AMOTL2: variants seen among roughly 807,000 people sequenced by gnomAD.
AMOTL2 encodes angiomotin-like protein 2.
Under a neutral mutation model 78.4 loss-of-function variants are expected in AMOTL2, and 33 were observed. That is an observed-to-expected ratio of 0.42 (90% CI 0.32 to 0.56). AMOTL2 has a LOEUF of 0.56. Ranked by LOEUF, AMOTL2 falls within the 20% of genes least tolerant of loss-of-function variation. The probability of loss-of-function intolerance (pLI) is 0.12; values close to 1 mark genes in which losing one functional copy is unlikely to be tolerated. For synonymous variants in AMOTL2, 422 were observed against 428.8 expected (o/e 0.98, Z 0.20); for missense variants, 983 against 1,030.1 (o/e 0.95, Z 0.63).
At chr3:134,372,176 C>T (rs1220001883) in intron 1 of AMOTL2, among the ~76,000 whole-genome samples, 1 of 152,146 alleles carries the variant, frequency 6.6e-6, no homozygotes, top group Non-Finnish European at 1.5e-5. Flanking sequence ...CTCTAGCCCG[C>T]TGAACCCCTG....
In AMOTL2 at chr3:134,361,727, G is replaced by T; in HGVS notation, c.1360C>A (p.Arg454Ser). ...AGAGCCTGCTCCAGCAGCTCGGCAC[G>T]CCGCCGCTGGTCCTCGATGGCGCCG... ...LRGAIEDQRRRAELLEQALGN... is the reference protein window; with the variant it reads ...LRGAIEDQRRSAELLEQALGN... The change falls in exon 6 of 10, where the codon CGT becomes AGT. Residue 454 changes from arginine to serine, a missense_variant. Arg to Ser is a moderately radical substitution (Grantham distance 110). Transcript: ENST00000249883. The T allele has an allele frequency of 6.2e-7, 1 of 1,607,160 alleles. No homozygotes were observed. The highest frequency in any genetic ancestry group is 8.5e-7 in the Non-Finnish European group (1 of 1,177,260).
chr3:134,375,057 G>T, upstream of AMOTL2: 5 of 1,459,846 alleles, frequency 3.4e-6, no homozygotes, highest in South Asian at 1.4e-5. Flanking sequence ...CCTAACCCCC[G>T]CTGTTTTCAC....
At position 134,370,710 on chromosome 3, in the gene AMOTL2, C is replaced by A; in HGVS notation, c.724G>T (p.Ala242Ser). ...GGTGGGGAGAGTTACCTGACTTCAGCATGCTGGAAGTGCGGGCTGCCGCGG... is the reference window on the plus strand; with the variant it reads ...GGTGGGGAGAGTTACCTGACTTCAGAATGCTGGAAGTGCGGGCTGCCGCGG... ...RARGSPHFQH[A>S]EVRILQAQVP... Residue 242 changes from alanine (A) to serine (S), a missense_variant, in exon 2 of 10, where the codon GCT becomes TCT. Physicochemically the swap from Ala to Ser is moderately conservative, Grantham distance 99. Transcript: ENST00000249883. 2 of 1,509,858 alleles carry A rather than the reference C, an allele frequency of 1.3e-6. No individual in the cohort carries two copies. The highest frequency in any genetic ancestry group is 1.8e-6 in the Non-Finnish European group (2 of 1,129,292). 93.5% of individuals were successfully genotyped at this position (1,509,858 alleles called of 1,614,324 possible).
rs1428399964 is a variant in AMOTL2 at position 134,367,664 on chromosome 3, C to G, written c.874G>C (p.Ala292Pro). Residue 292 changes from alanine to proline, a missense_variant, in exon 3 of 10, where the codon GCT (alanine) becomes CCT (proline). Transcript: ENST00000249883. Reference sequence around the variant, plus strand: ...TGGGCACTCACTGGCCCCTCCACAGCAGGTGGACTGAGGGAGCTCAGGGGG... The same window carrying G: ...TGGGCACTCACTGGCCCCTCCACAGGAGGTGGACTGAGGGAGCTCAGGGGG... ...HGPLSSLSPP[A>P]VEGPVSAQAS... 6.2e-7 allele frequency: 1 copy of G among 1,613,472 alleles called. No individual in the cohort carries two copies. The highest frequency in any genetic ancestry group is 8.5e-7 in the Non-Finnish European group (1 of 1,180,028).
chr3:134,366,435 A>G lies in AMOTL2; in HGVS notation c.1042-8T>C. The G allele has an allele frequency of 6.2e-7, 1 of 1,611,436 alleles. No individual in the cohort carries two copies. The highest frequency in any genetic ancestry group is 8.5e-7 in the Non-Finnish European group (1 of 1,179,550). On this transcript the variant is annotated splice_polypyrimidine_tract_variant and splice_region_variant and intron_variant, in intron 3 of 9. Transcript: ENST00000249883. ...CTGGATTTCGCTTTCCAGCTGCAAG[A>G]GTCAGACAGCAGAGCTGAATGAAGG...
At chr3:134,373,055 T>C (rs1441826767) in intron 1 of AMOTL2, among the ~76,000 whole-genome samples, 1 of 151,986 alleles carries the variant, frequency 6.6e-6, no homozygotes, top group Non-Finnish European at 1.5e-5. Context: ...ATCTTTTCCC[T>C]CTCCCCACCC....
Position 134,370,702 on chromosome 3 carries a change from G to T in AMOTL2, c.732C>A (p.Val244=). 2.0e-6 allele frequency: 3 copies of T among 1,508,884 alleles called. No homozygotes were observed. The South Asian group carries it at 4.1e-5, about 21-fold the overall frequency. The allele number at this position is 1,508,884 out of a possible 1,614,324, so 93.5% of individuals were successfully genotyped here. The change falls in exon 2 of 10, where the codon GTC becomes GTA. Residue 244 remains valine (V), a splice_region_variant and synonymous_variant. Coordinates refer to ENST00000249883, the MANE Select transcript of AMOTL2 (RefSeq NM_016201.4). The part of the protein sequence containing the change: ...RGSPHFQHAE[V]RILQAQVPPV... ...AAGCCCAAGGTGGGGAGAGTTACCT[G>T]ACTTCAGCATGCTGGAAGTGCGGGC...
chr3:134,360,015 G>A, intron 7 of AMOTL2, 91 bp downstream of exon 7: 1 of 1,368,588 alleles, frequency 7.3e-7, no homozygotes, highest in Non-Finnish European at 9.9e-7. Context: ...ATGGGGAAAG[G>A]GGCCTGTTTA....
chr3:134,367,623 G>A lies in AMOTL2; in HGVS notation c.915C>T (p.Thr305=). 6.2e-7 allele frequency: 1 copy of A among 1,613,458 alleles called. No homozygotes were observed. Among genetic ancestry groups the A allele is most frequent in the Non-Finnish European group, 8.5e-7 (1 of 1,180,034 alleles). ...GPVSAQASSA[T]SGSAHLAQME... ...TCTGGGCCAGGTGGGCACTGCCCGA[G>A]GTGGCTGAGGAGGCCTGGGCACTCA... The change falls in exon 3 of 10, where the codon ACC becomes ACT. Residue 305 remains threonine (T), a synonymous_variant. Coordinates refer to ENST00000249883, the MANE Select transcript of AMOTL2 (RefSeq NM_016201.4).
upstream of AMOTL2, chr3:134,375,384 C>T: frequency 3.8e-6 from 3 of 793,334 alleles, no homozygotes; most frequent in Non-Finnish European, 6.3e-6. Context: ...GCTCAGAGAG[C>T]TTAAGCAGCG....
At chr3:134,363,090 A>G (rs1387684596) in intron 5 of AMOTL2, among the ~76,000 whole-genome samples, 2 of 152,232 alleles carry the variant, frequency 1.3e-5, no homozygotes, top group Admixed American at 6.5e-5. Context: ...TCTTTGGGCC[A>G]CATGCAGCTA....
In AMOTL2 at chr3:134,371,074, C is replaced by T. The variant is rs1323020095; in HGVS notation, c.360G>A (p.Gln120=). 6.2e-7 allele frequency: 1 copy of T among 1,611,292 alleles called. No individual in the cohort carries two copies. Among genetic ancestry groups the T allele is most frequent in the Non-Finnish European group, 8.5e-7 (1 of 1,178,838 alleles). The change falls in exon 2 of 10, where the codon CAG becomes CAA. Residue 120 remains glutamine, a synonymous_variant. Transcript: ENST00000249883. ...CCGCATGTGGCCGGGTCCCTGCCTG[C>T]TGGGCCGCATAGTACTGCGAGTGGG... The part of the protein sequence containing the change: ...AKAHSQYYAA[Q]QAGTRPHAGD...
intron 5 of AMOTL2, among the ~76,000 whole-genome samples, chr3:134,362,330 GCC>G (rs2017408960): frequency 6.6e-6 from 1 of 152,204 alleles, no homozygotes; most frequent in African/African-American, 2.4e-5. Flanking sequence ...GAATCCTCCA[GCC>G]CCTCCAGGGA....
rs201755719 is a variant in AMOTL2 at position 134,360,169 on chromosome 3, G to A, written c.1820C>T (p.Pro607Leu). 1.7e-5 allele frequency: 27 copies of A among 1,614,034 alleles called. No individual in the cohort carries two copies. In the East Asian group the frequency reaches 5.8e-4, roughly 35 times the overall value. ...CAGACCCTCATTGAAGCTGCTGCTG[G>A]GTGAGGGCTGGGGGGAATGTCGGAT... The part of the protein sequence containing the change: ...TLIRHSPQPS[P>L]SSSFNEGLLT... The change falls in exon 7 of 10, where the codon CCC becomes CTC. Residue 607 changes from proline (P) to leucine (L), a missense_variant. Coordinates refer to ENST00000249883, the MANE Select transcript of AMOTL2 (RefSeq NM_016201.4).
At chr3:134,367,446 C>T in intron 3 of AMOTL2, 51 bp downstream of exon 3, 2 of 1,588,420 alleles carry the variant, frequency 1.3e-6, no homozygotes, top group South Asian at 1.1e-5. Context: ...CCCAGGTAGC[C>T]CCTCGGGGTC....
Position 134,371,635 on chromosome 3 carries a change from C to T in AMOTL2, c.-61-141G>A, listed in dbSNP as rs540194351. The T allele has an allele frequency of 3.6e-6, 5 of 1,377,398 alleles. No homozygotes were observed. The African/African-American group carries it at 5.8e-5, about 16-fold the overall frequency. The allele number at this position is 1,377,398 out of a possible 1,614,324, so 85.3% of individuals were successfully genotyped here. A position where few individuals can be genotyped will look rare whatever the true frequency, so the allele number is the denominator to read the frequency against. Reference sequence around the variant, plus strand: ...CAGGGGTGGGGCGGTTCACACAAGCCTGGGTTCAAGTACCAGTGCTGCCAT... The same window carrying T: ...CAGGGGTGGGGCGGTTCACACAAGCTTGGGTTCAAGTACCAGTGCTGCCAT... On this transcript the variant is annotated intron_variant, in intron 1 of 9. Coordinates refer to ENST00000249883, the MANE Select transcript of AMOTL2 (RefSeq NM_016201.4).
At chr3:134,365,760 T>A in intron 5 of AMOTL2, 57 bp downstream of exon 5, 1 of 1,491,592 alleles carries the variant, frequency 6.7e-7, no homozygotes, top group Non-Finnish European at 9.3e-7. Flanking sequence ...CCAGAGGGTG[T>A]GCAGCAGTCC....
At chr3:134,359,215 C>G in intron 8 of AMOTL2, 68 bp downstream of exon 8, 1 of 1,554,686 alleles carries the variant, frequency 6.4e-7, no homozygotes, top group South Asian at 1.1e-5. Context: ...GAGGAAAGGT[C>G]TGGCAATCTG....
At position 134,370,975 on chromosome 3, in the gene AMOTL2, C is replaced by A. The variant is rs761949198; in HGVS notation, c.459G>T (p.Gly153=). The change falls in exon 2 of 10, where the codon GGG becomes GGT. Residue 153 remains glycine (G), a synonymous_variant. Transcript: ENST00000249883. ...GCCGTTCACTCAACGAGCGCACGTG[C>A]CCATGCCTCAGCTCCCGCAGGGCCT... ...QDEALRELRH[G]HVRSLSERLL... is the part of the protein sequence containing the mutation. 6.2e-7 allele frequency: 1 copy of A among 1,606,898 alleles called. No individual in the cohort carries two copies. The highest frequency in any genetic ancestry group is 1.3e-5 in the African/African-American group (1 of 74,800).
Sources: gnomAD v4.1 joint callset for allele counts (sites outside exome capture counted in the v4.1 genomes callset) on GRCh38, gnomAD v4.1.1 for gene constraint, MANE v1.5 for transcripts, NCBI Gene and HGNC (gene_info 2026-07-23, HGNC 2026-07-21) for gene names.